The following FAM153A variants were observed in gnomAD, a reference collection of about 807,000 sequenced individuals.
FAM153A encodes protein FAM153A.
FAM153A carries 12 observed loss-of-function variants against 48.1 expected under a neutral mutation model. That is an observed-to-expected ratio of 0.25 (90% CI 0.16 to 0.40). The LOEUF (loss-of-function observed/expected upper bound fraction) is 0.40. Among genes scored for constraint, FAM153A ranks in the 10% least tolerant of loss-of-function variants. The probability of loss-of-function intolerance (pLI) is 1.00; values close to 1 mark genes in which losing one functional copy is unlikely to be tolerated. For synonymous variants in FAM153A, 36 were observed against 118.2 expected (o/e 0.30, Z 4.51); for missense variants, 111 against 345.8 (o/e 0.32, Z 5.38).
chr5:177,702,041 G>T, the FAM153A span, among the ~76,000 whole-genome samples: 2 of 151,550 alleles, frequency 1.3e-5, no homozygotes, highest in Non-Finnish European at 2.9e-5. Flanking sequence ...CCGAGTAGCT[G>T]GGACTACAGG....
downstream of FAM153A, among the ~76,000 whole-genome samples, chr5:177,705,726 C>A (rs1757827147): frequency 7.9e-6 from 1 of 126,778 alleles, no homozygotes; most frequent in Admixed American, 9.8e-5. Context: ...GTGACATGAT[C>A]TCGGCTCACT....
At chr5:177,701,256 C>A in the FAM153A span, among the ~76,000 whole-genome samples, 4 of 151,866 alleles carry the variant, frequency 2.6e-5, no homozygotes, top group African/African-American at 9.7e-5. Flanking sequence ...AATTAAACCT[C>A]TTTTCTTTAT....
chr5:177,739,184 C>T (rs1261122697), intron 9 of FAM153A, 47 bp from the exon 12 acceptor site: 8 of 1,604,358 alleles, frequency 5.0e-6, no homozygotes, highest in Non-Finnish European at 6.8e-6. Context: ...ATCATGCTGT[C>T]TCTGTGCACA....
upstream of FAM153A, among the ~76,000 whole-genome samples, chr5:177,754,374 G>A (rs1290754625): frequency 3.3e-5 from 5 of 151,662 alleles, no homozygotes; most frequent in Non-Finnish European, 5.9e-5. Context: ...GCAGCTCAAG[G>A]AGGCCTGCCT....
chr5:177,708,635 G>C (rs1758071864), downstream of FAM153A, among the ~76,000 whole-genome samples: 1 of 151,988 alleles, frequency 6.6e-6, no homozygotes, highest in African/African-American at 2.4e-5. Context: ...CAATAGTAGT[G>C]TCAAATAGCA....
intron 25 of FAM153A, among the ~76,000 whole-genome samples, chr5:177,715,967 T>G (rs1177221890): frequency 6.6e-6 from 1 of 151,502 alleles, no homozygotes; most frequent in East Asian, 1.9e-4. Flanking sequence ...TGAGCCATCA[T>G]GCCCAGCTTA....
In FAM153A at chr5:177,778,752, T is replaced by C. The variant is rs1769422558; in HGVS notation, c.-57+1697A>G. Among the ~76,000 whole-genome samples the C allele has an allele frequency of 2.0e-5, 2 of 97,876 alleles. 1 individual carries two copies. The allele number at this position is 97,876 out of a possible 152,430, so 64.2% of individuals were successfully genotyped here. On this transcript the variant is annotated intron_variant, in intron 1 of 8. Coordinates refer to the FAM153A transcript ENST00000393518. ...AGATCCCACCACTGCACTCCAGTAC[T>C]GGCAACAGAGGGGGACCTGTCTCAA...
At chr5:177,749,307 C>A (rs1766513904) in intron 2 of FAM153A, among the ~76,000 whole-genome samples, 1 of 149,646 alleles carries the variant, frequency 6.7e-6, no homozygotes, top group Non-Finnish European at 1.5e-5. Context: ...CCCTCCTCCC[C>A]CAAAATATAA....
Position 177,766,152 on chromosome 5 carries a change from A to G in FAM153A, c.-57+14297T>C, listed in dbSNP as rs1345576974. 2.1e-5 allele frequency among the ~76,000 whole-genome samples: 2 copies of G among 96,440 alleles called. 1 individual carries two copies. Among genetic ancestry groups the G allele is most frequent in the African/African-American group, 7.7e-5 (2 of 25,948 alleles). The allele number at this position is 96,440 out of a possible 152,430, so 63.3% of individuals were successfully genotyped here. A position where few individuals can be genotyped will look rare whatever the true frequency, so the allele number is the denominator to read the frequency against. On this transcript the variant is annotated intron_variant, in intron 1 of 8. Transcript: ENST00000393518. ...TAAAACAAAAAACAAACAGAAAAAC[A>G]TGCCAATAGGATAAAAAAAAAAAAG...
chr5:177,732,887 C>T (rs1393258337), intron 14 of FAM153A, among the ~76,000 whole-genome samples: 1 of 150,076 alleles, frequency 6.7e-6, no homozygotes, highest in Non-Finnish European at 1.5e-5. Flanking sequence ...TATTCACTAA[C>T]CTTTTGTTTT....
At chr5:177,718,770 C>CT (rs1392290861), downstream of FAM153A, among the ~76,000 whole-genome samples, 2 of 141,128 alleles carry the variant, frequency 1.4e-5, no homozygotes, top group East Asian at 4.0e-4. Context: ...ATAAAAAAGA[C>CT]TAAGACATAA....
intron 1 of FAM153A, among the ~76,000 whole-genome samples, chr5:177,760,232 G>T (rs1348886815): frequency 1.6e-4 from 12 of 74,012 alleles, no homozygotes; most frequent in Admixed American, 5.9e-4. Flanking sequence ...AATTGGGAAA[G>T]ACCTTTTTTT....
exon 27 of FAM153A, chr5:177,712,201 G>C (rs933979406): frequency 5.3e-5 from 8 of 152,016 alleles, no homozygotes; most frequent in African/African-American, 1.7e-4. Context: ...GCCAGTTGCG[G>C]TGGCTCGTAC....
In FAM153A at chr5:177,771,580, G is replaced by T. The variant is rs1161806647; in HGVS notation, c.-57+8869C>A. ...TTCATATAGCAGGAGAGAGACTGCC[G>T]TCCTCAGAAAGACCCGCATGCAAGC... On this transcript the variant is annotated intron_variant, in intron 1 of 8. Coordinates refer to the FAM153A transcript ENST00000393518. 1.0e-4 allele frequency among the ~76,000 whole-genome samples: 10 copies of T among 95,562 alleles called. 3 individuals carry two copies. In the Admixed American group the frequency reaches 1.1e-3, roughly 10 times the overall value. 62.7% of individuals were successfully genotyped at this position (95,562 alleles called of 152,430 possible).
intron 26 of FAM153A, among the ~76,000 whole-genome samples, chr5:177,713,417 ATTT>A (rs1033701174): frequency 7.0e-6 from 1 of 143,212 alleles, no homozygotes; most frequent in African/African-American, 2.6e-5. Context: ...TGCCCAGCTA[ATTT>A]TTTTTTTTTT....
exon 27 of FAM153A, chr5:177,711,957 T>C (rs1413605596): frequency 6.6e-6 from 1 of 151,782 alleles, no homozygotes; most frequent in Non-Finnish European, 1.5e-5. Flanking sequence ...AGCTGACCAT[T>C]CTTCTTCTTT....
downstream of FAM153A, chr5:177,721,984 CA>C (rs1227762226): frequency 6.6e-6 from 1 of 151,088 alleles, no homozygotes; most frequent in African/African-American, 2.5e-5. Flanking sequence ...ATCAAAATTA[CA>C]AAAACTTAAA....
chr5:177,703,448 G>A (rs1757626174), downstream of FAM153A, among the ~76,000 whole-genome samples: 1 of 150,980 alleles, frequency 6.6e-6, no homozygotes, highest in Non-Finnish European at 1.5e-5. Context: ...ATAGGTGGAA[G>A]GAACTAGCCT....
chr5:177,704,836 C>T (rs1340110037), downstream of FAM153A, among the ~76,000 whole-genome samples: 1 of 151,346 alleles, frequency 6.6e-6, no homozygotes, highest in East Asian at 1.9e-4. Context: ...CCCATCTCTA[C>T]TAAAATACAA....
Sources: allele counts gnomAD v4.1 joint callset (sites outside exome capture counted in the v4.1 genomes callset), GRCh38; gene constraint gnomAD v4.1.1; transcripts MANE v1.5; gene names NCBI Gene and HGNC (gene_info 2026-07-23, HGNC 2026-07-21).